The following COL5A2 variants were observed in gnomAD, a reference collection of about 807,000 sequenced individuals.
COL5A2 encodes the protein collagen alpha-2(V) chain.
A neutral mutation model predicts 208.2 loss-of-function variants in COL5A2; 23 were observed. The ratio of observed to expected loss-of-function variants is 0.11; its 90% CI spans 0.08 to 0.16. The LOEUF is 0.16. COL5A2 is among the 10% of genes least tolerant of loss of function. The probability of loss-of-function intolerance (pLI) is 1.00; values close to 1 mark genes in which losing one functional copy is unlikely to be tolerated. For synonymous variants in COL5A2, 625 were observed against 628.5 expected, an observed-to-expected ratio of 0.99 and a Z score of 0.08; for missense variants, 1,590 against 1,956.4, an observed-to-expected ratio of 0.81 and a Z score of 3.53.
intron 1 of COL5A2, among the ~76,000 whole-genome samples, chr2:189,222,605 G>A (rs1165615293): frequency 6.6e-6 from 1 of 152,022 alleles, no homozygotes; most frequent in Non-Finnish European, 1.5e-5. Flanking sequence ...GAAATGACCG[G>A]GTAATTTCCT....
chr2:189,053,758 A>G, intron 37 of COL5A2, 137 bp downstream of exon 37: 1 of 869,986 alleles, frequency 1.1e-6, no homozygotes, highest in Non-Finnish European at 1.8e-6. Context: ...TTAATTAGAA[A>G]AGCAAAAGCT....
chr2:189,372,187 C>T, the COL5A2 span, among the ~76,000 whole-genome samples: 1 of 152,130 alleles, frequency 6.6e-6, no homozygotes, highest in Admixed American at 6.5e-5. Context: ...AATCCTGCTC[C>T]ACAGAAATGG....
At chr2:189,150,609 G>T (rs1025994944) in intron 1 of COL5A2, among the ~76,000 whole-genome samples, 6 of 151,986 alleles carry the variant, frequency 3.9e-5, no homozygotes, top group Admixed American at 3.9e-4. Context: ...TGGATTTCTT[G>T]ATATAACCTC....
At chr2:189,303,077 G>A in the COL5A2 span, among the ~76,000 whole-genome samples, 42 of 152,262 alleles carry the variant, frequency 2.8e-4, 1 homozygote, top group African/African-American at 7.7e-4. Context: ...AAAGAAATTT[G>A]CACTAGTTTC....
the COL5A2 span, among the ~76,000 whole-genome samples, chr2:189,339,988 C>G: frequency 6.6e-6 from 1 of 152,160 alleles, no homozygotes; most frequent in South Asian, 2.1e-4. Context: ...CCCCTTCTTT[C>G]TATTTATGAA....
chr2:189,433,119 T>C, the COL5A2 span, among the ~76,000 whole-genome samples: 1 of 152,216 alleles, frequency 6.6e-6, no homozygotes, highest in African/African-American at 2.4e-5. Context: ...AATAAAGATG[T>C]TCTTTGAAAC....
At chr2:189,225,152 A>G (rs1216626172) in exon 1 of COL5A2, among the ~76,000 whole-genome samples, 3 of 152,196 alleles carry the variant, frequency 2.0e-5, no homozygotes, top group African/African-American at 4.8e-5. Context: ...ACATACCACC[A>G]GTGGCTCGAT....
the COL5A2 span, among the ~76,000 whole-genome samples, chr2:189,377,224 C>A: frequency 6.6e-6 from 1 of 152,196 alleles, no homozygotes; most frequent in Non-Finnish European, 1.5e-5. Context: ...CTCCCCACCC[C>A]ACTGCCTTCA....
the COL5A2 span, among the ~76,000 whole-genome samples, chr2:189,280,094 T>C: frequency 6.6e-6 from 1 of 152,080 alleles, no homozygotes; most frequent in African/African-American, 2.4e-5. Context: ...GATACCAAAT[T>C]TGGTTCCATG....
At chr2:189,433,349 G>C in the COL5A2 span, among the ~76,000 whole-genome samples, 1 of 152,070 alleles carries the variant, frequency 6.6e-6, no homozygotes, top group African/African-American at 2.4e-5. Context: ...AACTGAAAGA[G>C]ATACAGACAC....
chr2:189,068,947 T>G (rs1686212593), intron 18 of COL5A2, 63 bp from the exon 19 acceptor site: 1 of 1,157,894 alleles, frequency 8.6e-7, no homozygotes, highest in Non-Finnish European at 1.3e-6. Context: ...TGTACAAAGT[T>G]GACCGCTTAT....
the COL5A2 span, among the ~76,000 whole-genome samples, chr2:189,248,990 T>C: frequency 6.6e-6 from 1 of 152,174 alleles, no homozygotes; most frequent in African/African-American, 2.4e-5. Context: ...AATTAATAGT[T>C]GGCTTAACCC....
At chr2:189,268,711 A>T in the COL5A2 span, among the ~76,000 whole-genome samples, 88,294 of 149,558 alleles carry the variant, frequency 0.59, 26,968 homozygotes, top group East Asian at 0.72. Flanking sequence ...TTAACAAACA[A>T]TATTTAGAAA....
the COL5A2 span, among the ~76,000 whole-genome samples, chr2:189,326,564 G>A: frequency 0.076 from 11,517 of 151,740 alleles, 738 homozygotes; most frequent in African/African-American, 0.17. Flanking sequence ...GGTGGTGTGC[G>A]CGCCTGTAGT....
At chr2:189,289,032 T>A in the COL5A2 span, among the ~76,000 whole-genome samples, 1 of 152,082 alleles carries the variant, frequency 6.6e-6, no homozygotes, top group Non-Finnish European at 1.5e-5. Flanking sequence ...TTCAACAAAT[T>A]AGGTATAAAA....
chr2:189,103,860 C>T (rs1338673227), intron 3 of COL5A2, among the ~76,000 whole-genome samples: 1 of 152,014 alleles, frequency 6.6e-6, no homozygotes, highest in Non-Finnish European at 1.5e-5. Flanking sequence ...TTCGTTCCTT[C>T]CTTCCTTCCT....
chr2:189,234,966 G>T, the COL5A2 span, among the ~76,000 whole-genome samples: 1 of 151,386 alleles, frequency 6.6e-6, no homozygotes, highest in Non-Finnish European at 1.5e-5. Flanking sequence ...AACCCAATAG[G>T]TTCAATAATA....
the COL5A2 span, among the ~76,000 whole-genome samples, chr2:189,325,493 CACACACAT>C: frequency 6.6e-6 from 1 of 151,860 alleles, no homozygotes; most frequent in African/African-American, 2.4e-5. Flanking sequence ...CACACACACA[CACACACAT>C]ACACACATAC....
the COL5A2 span, among the ~76,000 whole-genome samples, chr2:189,367,855 T>C: frequency 2.0e-5 from 3 of 152,330 alleles, no homozygotes; most frequent in Admixed American, 6.5e-5. Flanking sequence ...ATTTCTATTA[T>C]AATTGTAATT....
Sources: allele counts gnomAD v4.1 joint callset (sites outside exome capture counted in the v4.1 genomes callset), GRCh38; gene constraint gnomAD v4.1.1; transcripts MANE v1.5; gene names NCBI Gene and HGNC (gene_info 2026-07-23, HGNC 2026-07-21).